The following VPS13C variants were observed in gnomAD, a reference collection of about 807,000 sequenced individuals.
VPS13C encodes vacuolar protein sorting 13 homolog C.
A neutral mutation model predicts 456.8 loss-of-function variants in VPS13C; 358 were observed. That is an observed-to-expected ratio of 0.78 (90% CI 0.72 to 0.86). The LOEUF is 0.86. Among genes scored for constraint, VPS13C ranks in the 40% least tolerant of loss-of-function variants. VPS13C has a pLI of 0.00. For missense variants in VPS13C, 4,818 were observed against 4,385.4 expected, an observed-to-expected ratio of 1.10 and a Z score of -2.79; for synonymous variants, 1,578 against 1,486.7, an observed-to-expected ratio of 1.06 and a Z score of -1.41.
rs550125525 is a variant in VPS13C, at chr15:61,868,861, C to CA, written c.10749-89dup. ...GTTGATTAAATACATAAATATTTCA[C>CA]AAAAAACAATCAGTAATTTTAAATA... On this transcript the variant is annotated intron_variant, in intron 80 of 84. Transcript: ENST00000644861. The CA allele has an allele frequency of 2.1e-3, 2,235 of 1,063,716 alleles. 6 individuals are homozygous for CA. Among genetic ancestry groups the CA allele is most frequent in the Non-Finnish European group, 2.7e-3 (2,038 of 747,860 alleles). 65.9% of individuals were successfully genotyped at this position (1,063,716 alleles called of 1,614,324 possible). A position where few individuals can be genotyped will look rare whatever the true frequency, so the allele number is the denominator to read the frequency against.
chr15:62,058,848 T>G (rs2048891328), intron 1 of VPS13C, among the ~76,000 whole-genome samples: 2 of 151,738 alleles, frequency 1.3e-5, no homozygotes, highest in Non-Finnish European at 1.5e-5. Flanking sequence ...GCCCAGGAGT[T>G]GGAGGCTGCA....
intron 16 of VPS13C, among the ~76,000 whole-genome samples, chr15:61,999,027 A>G (rs2046498047): frequency 6.6e-6 from 1 of 152,236 alleles, no homozygotes; most frequent in African/African-American, 2.4e-5. Context: ...TCAACTATTT[A>G]TCAATAAGGC....
chr15:61,952,119 C>CACA (rs2044821168), intron 38 of VPS13C, 139 bp from the exon 39 acceptor site: 1 of 1,033,472 alleles, frequency 9.7e-7, no homozygotes, highest in Non-Finnish European at 1.3e-6. Context: ...TTTGTGCCTG[C>CACA]AGTTTGGCAT....
intron 66 of VPS13C, among the ~76,000 whole-genome samples, chr15:61,904,054 C>T (rs989843893): frequency 6.6e-6 from 1 of 152,086 alleles, no homozygotes; most frequent in African/African-American, 2.4e-5. Context: ...TGGGGAAATG[C>T]TTTAGGACAC....
intron 6 of VPS13C, among the ~76,000 whole-genome samples, chr15:62,024,277 T>C (rs2047559074): frequency 6.6e-6 from 1 of 151,990 alleles, no homozygotes; most frequent in South Asian, 2.1e-4. Flanking sequence ...AATGAAAGGG[T>C]AAGTTGCCCA....
In VPS13C at chr15:61,913,302, G is replaced by A; in HGVS notation, c.8550+9C>T. The A allele has an allele frequency of 6.2e-7, 1 of 1,611,268 alleles. No individual in the cohort carries two copies. Among genetic ancestry groups the A allele is most frequent in the Non-Finnish European group, 8.5e-7 (1 of 1,177,570 alleles). ...GGAATCAAAGGTAAATAAGGAAGCA[G>A]AATCTTACCAGGTACTCCATATTGT... On this transcript the variant is annotated intron_variant, in intron 62 of 84. Coordinates refer to ENST00000644861, the MANE Select transcript of VPS13C (RefSeq NM_020821.3).
chr15:62,020,379 A>T, intron 9 of VPS13C, 100 bp downstream of exon 9: 1 of 949,306 alleles, frequency 1.1e-6, no homozygotes, highest in Non-Finnish European at 1.5e-6. Flanking sequence ...TTAAAAAATC[A>T]TAGTTCTTTG....
At position 61,871,973 on chromosome 15, in the gene VPS13C, A is replaced by T. The variant is rs757307117; in HGVS notation, c.10624+16T>A. On this transcript the variant is annotated intron_variant, in intron 79 of 84. Coordinates refer to ENST00000644861, the MANE Select transcript of VPS13C (RefSeq NM_020821.3). ...GTCTTCAGACTTTGTAAAGGAAGGA[A>T]ATATTTTCAACATACCTTCCACAGG... 2 of 1,609,584 alleles carry T rather than the reference A, an allele frequency of 1.2e-6. No homozygotes were observed.
chr15:61,949,034 C>G (rs1483494473), intron 42 of VPS13C, among the ~76,000 whole-genome samples: 1 of 152,090 alleles, frequency 6.6e-6, no homozygotes, highest in Non-Finnish European at 1.5e-5. Context: ...CCTGCAGTGT[C>G]CCACTAAGCA....
intron 68 of VPS13C, among the ~76,000 whole-genome samples, chr15:61,883,218 G>A (rs75719370): frequency 1.2e-5 from 1 of 84,396 alleles, no homozygotes; most frequent in African/African-American, 4.2e-5. Flanking sequence ...TTTTTTTTTT[G>A]TAGAGACAAG....
At chr15:61,875,898 T>A (rs1895387294) in intron 75 of VPS13C, 53 bp from the exon 76 acceptor site, 4 of 1,201,520 alleles carry the variant, frequency 3.3e-6, no homozygotes, top group Non-Finnish European at 4.7e-6. Context: ...GTAAGAAACA[T>A]CATAATGAAA....
rs1451356483 is a variant in VPS13C, at chr15:62,007,366, G to A, written c.1232C>T (p.Ala411Val). Reference sequence around the variant, plus strand: ...AGACTGTGTTAACTTGTTTTTGTAGGCAATTTTATAACTCTTGAGTAACTG... The same window carrying A: ...AGACTGTGTTAACTTGTTTTTGTAGACAATTTTATAACTCTTGAGTAACTG... ...HRQLLKSYKI[A>V]YKNKLTQSKV... The change falls in exon 15 of 85, where the codon GCC becomes GTC. Residue 411 changes from alanine (A) to valine (V), a missense_variant. Ala to Val is a moderately conservative substitution (Grantham distance 64). Coordinates refer to ENST00000644861, the MANE Select transcript of VPS13C (RefSeq NM_020821.3). 3 of 1,612,104 alleles carry A rather than the reference G, an allele frequency of 1.9e-6. No individual in the cohort carries two copies. Among genetic ancestry groups the A allele is most frequent in the Middle Eastern group, 3.3e-4 (2 of 6,054 alleles).
intron 58 of VPS13C, 129 bp from the exon 59 acceptor site, chr15:61,918,386 C>G: frequency 1.2e-6 from 1 of 865,536 alleles, no homozygotes; most frequent in Non-Finnish European, 1.6e-6. Context: ...TTTTTATTGG[C>G]AATTGAAAAA....
rs576034793 is a variant in VPS13C, at chr15:61,928,186, G to C, written c.6287-866C>G. Among the ~76,000 whole-genome samples the C allele has an allele frequency of 2.0e-4, 31 of 151,990 alleles. 1 individual carries two copies. In the South Asian group the frequency reaches 6.2e-3, roughly 31 times the overall value. Reference sequence around the variant, plus strand: ...GTGCACATGTACCCTAAAACTTAAAGTATAATAATAATAATAAAAAAGAAT... The same window carrying C: ...GTGCACATGTACCCTAAAACTTAAACTATAATAATAATAATAAAAAAGAAT... On this transcript the variant is annotated intron_variant, in intron 51 of 84. Coordinates refer to ENST00000644861, the MANE Select transcript of VPS13C (RefSeq NM_020821.3).
chr15:61,864,822 T>C, intron 81 of VPS13C: 1 of 983,558 alleles, frequency 1.0e-6, no homozygotes, highest in Non-Finnish European at 1.2e-6. Context: ...CCTTAATTTC[T>C]TCAAAGAGAA....
chr15:62,057,076 T>C (rs2048826997), intron 1 of VPS13C, among the ~76,000 whole-genome samples: 1 of 152,064 alleles, frequency 6.6e-6, no homozygotes, highest in African/African-American at 2.4e-5. Flanking sequence ...CTTTGTCTTG[T>C]GTCTTTATTT....
At position 61,868,669 on chromosome 15, in the gene VPS13C, T is replaced by G. The variant is rs375381917; in HGVS notation, c.10853A>C (p.Asp3618Ala). Reference protein sequence around the residue: ...PYDRQESEGSDLLENHIKKLE... With the variant: ...PYDRQESEGSALLENHIKKLE... ...AAGAACAAAATTTACCTCAAGTAAGTCAGAGCCCTCAGATTCCTGTCTGTC... is the reference window on the plus strand; with the variant it reads ...AAGAACAAAATTTACCTCAAGTAAGGCAGAGCCCTCAGATTCCTGTCTGTC... Residue 3618 changes from aspartate to alanine, a missense_variant, in exon 81 of 85, where the codon GAC (aspartate) becomes GCC (alanine). Coordinates refer to ENST00000644861, the MANE Select transcript of VPS13C (RefSeq NM_020821.3). 7 of 1,614,048 alleles carry G rather than the reference T, an allele frequency of 4.3e-6. No individual in the cohort carries two copies. Among genetic ancestry groups the G allele is most frequent in the East Asian group, 4.5e-5 (2 of 44,872 alleles).
intron 81 of VPS13C, chr15:61,866,645 C>T (rs1372289410): frequency 1.0e-6 from 1 of 984,956 alleles, no homozygotes; most frequent in African/African-American, 1.7e-5. Context: ...ATTATCTAGG[C>T]ACAAGAAAGG....
intron 37 of VPS13C, 36 bp downstream of exon 37, chr15:61,958,572 A>C (rs2045087054): frequency 9.1e-7 from 1 of 1,096,484 alleles, no homozygotes; most frequent in Non-Finnish European, 1.3e-6. Flanking sequence ...ATAAATAGAC[A>C]CATATGTATA....
Sources: allele counts gnomAD v4.1 joint callset (sites outside exome capture counted in the v4.1 genomes callset), GRCh38; gene constraint gnomAD v4.1.1; transcripts MANE v1.5; gene names NCBI Gene and HGNC (gene_info 2026-07-23, HGNC 2026-07-21).